KLRD1: variants seen among roughly 807,000 people sequenced by gnomAD.
KLRD1 encodes the protein killer cell lectin like receptor D1.
KLRD1 carries 21 observed loss-of-function variants against 22.6 expected under a neutral mutation model. That is an observed-to-expected ratio of 0.93 (90% CI 0.66 to 1.34). The LOEUF is 1.34. Among genes scored for constraint, KLRD1 ranks in the 40% most tolerant of loss-of-function variants. The probability of loss-of-function intolerance (pLI) is 0.00; values close to 1 mark genes in which losing one functional copy is unlikely to be tolerated. For missense variants in KLRD1, 183 were observed against 208.6 expected (o/e 0.88, Z 0.76); for synonymous variants, 59 against 71.1 (o/e 0.83, Z 0.85).
intron 1 of KLRD1, among the ~76,000 whole-genome samples, chr12:10,287,845 G>A (rs529607811): frequency 1.3e-5 from 2 of 152,184 alleles, no homozygotes; most frequent in African/African-American, 4.8e-5. Flanking sequence ...CGAGGCAGGC[G>A]GATCATGAGG....
At position 10,294,350 on chromosome 12, in the gene KLRD1, TAGAAGTTTAGTACCTC is replaced by T. The variant is rs143724426; in HGVS notation, c.-100-13626_-100-13611del. 3.9e-3 allele frequency among the ~76,000 whole-genome samples: 597 copies of T among 152,288 alleles called. 18 individuals are homozygous for T. In the East Asian group the frequency reaches 0.068, roughly 17 times the overall value. Reference sequence around the variant, plus strand: ...ACCAGTTTGTCAAAGTGCATCCTCCTAGAAGTTTAGTACCTCAAAATTTCCTCTAGATAATCATTCC... The same window carrying T: ...ACCAGTTTGTCAAAGTGCATCCTCCTAAAATTTCCTCTAGATAATCATTCC... On this transcript the variant is annotated intron_variant, in intron 1 of 5. Coordinates refer to the KLRD1 transcript ENST00000544747.
chr12:10,294,046 C>T (rs1210319831), intron 1 of KLRD1, among the ~76,000 whole-genome samples: 1 of 152,152 alleles, frequency 6.6e-6, no homozygotes, highest in Non-Finnish European at 1.5e-5. Context: ...AATAAATGGT[C>T]GCTGTACATC....
At chr12:10,312,369 T>TTTTG (rs369950859) in intron 4 of KLRD1, among the ~76,000 whole-genome samples, 2,765 of 144,184 alleles carry the variant, frequency 0.019, 70 homozygotes, top group African/African-American at 0.065. Context: ...CCCAATTCTT[T>TTTTG]TTTGTTTGTT....
chr12:10,251,742 G>A (rs1289250404), intron 1 of KLRD1, among the ~76,000 whole-genome samples: 1 of 151,728 alleles, frequency 6.6e-6, no homozygotes, highest in Non-Finnish European at 1.5e-5. Context: ...ATCAGGTATT[G>A]GATTCTCATA....
chr12:10,246,936 T>TTC (rs1949298313), intron 1 of KLRD1, among the ~76,000 whole-genome samples: 1 of 136,606 alleles, frequency 7.3e-6, no homozygotes, highest in East Asian at 2.0e-4. Flanking sequence ...TTCTTTTCTT[T>TTC]TTTTTTTTTT....
At chr12:10,256,705 G>T (rs1231712596) in intron 1 of KLRD1, among the ~76,000 whole-genome samples, 5 of 151,656 alleles carry the variant, frequency 3.3e-5, no homozygotes, top group Non-Finnish European at 7.4e-5. Context: ...GCTTCTAAAT[G>T]TTATAAAAAA....
At chr12:10,244,187 C>T (rs543648800) in intron 1 of KLRD1, among the ~76,000 whole-genome samples, 3 of 152,106 alleles carry the variant, frequency 2.0e-5, no homozygotes, top group East Asian at 3.9e-4. Flanking sequence ...AAAATATCTA[C>T]GTCATAGAAC....
chr12:10,294,398 T>A (rs1949803655), intron 1 of KLRD1, among the ~76,000 whole-genome samples: 1 of 152,066 alleles, frequency 6.6e-6, no homozygotes, highest in African/African-American at 2.4e-5. Context: ...TTCCTACCCA[T>A]TTTTTTGTTC....
At chr12:10,261,849 GT>G (rs1452709436) in intron 1 of KLRD1, among the ~76,000 whole-genome samples, 2 of 152,092 alleles carry the variant, frequency 1.3e-5, no homozygotes, top group Non-Finnish European at 2.9e-5. Context: ...AAACACGTGA[GT>G]TAATGCCCAC....
At chr12:10,297,523 GC>G (rs900739302) in intron 1 of KLRD1, among the ~76,000 whole-genome samples, 1 of 151,772 alleles carries the variant, frequency 6.6e-6, no homozygotes, top group Non-Finnish European at 1.5e-5. Flanking sequence ...AATTTTATAT[GC>G]TTTCTTATTT....
chr12:10,275,882 A>G (rs936731841), intron 1 of KLRD1, among the ~76,000 whole-genome samples: 2 of 152,218 alleles, frequency 1.3e-5, no homozygotes, highest in Non-Finnish European at 2.9e-5. Context: ...AAGTAAAGAT[A>G]GATATTACCA....
intron 1 of KLRD1, among the ~76,000 whole-genome samples, chr12:10,244,740 G>C (rs574903808): frequency 1.3e-5 from 2 of 151,956 alleles, no homozygotes; most frequent in African/African-American, 4.8e-5. Context: ...CCAAGATCAC[G>C]CCACTGCACT....
In KLRD1 at chr12:10,328,778, G is replaced by A. The variant is rs1206766168; in HGVS notation, c.*13985G>A. 6.6e-6 allele frequency: 1 copy of A among 152,254 alleles called. No homozygotes were observed. The highest frequency in any genetic ancestry group is 1.9e-4 in the East Asian group (1 of 5,188). The allele number at this position is 152,254 out of a possible 1,614,324, so 9.4% of individuals were successfully genotyped here. A position where few individuals can be genotyped will look rare whatever the true frequency, so the allele number is the denominator to read the frequency against. On this transcript the variant is annotated 3_prime_UTR_variant, in exon 6 of 6. Transcript: ENST00000336164. ...GATAAAGACTTAACTGAGAGACTGGGTAATTTGTAAAGAAAAAGAGGTTTA... is the reference window on the plus strand; with the variant it reads ...GATAAAGACTTAACTGAGAGACTGGATAATTTGTAAAGAAAAAGAGGTTTA...
In KLRD1 at chr12:10,329,467, T is replaced by C. The variant is rs1950391374; in HGVS notation, c.*14674T>C. ...GATCCATGTGCACTTGAGAAGAATG[T>C]ATACTCTGCTGCTGTTGGATGGAAT... is the stretch of plus-strand genomic sequence containing the variant. On this transcript the variant is annotated 3_prime_UTR_variant, in exon 6 of 6. Coordinates refer to ENST00000336164, the MANE Select transcript of KLRD1 (RefSeq NM_002262.5). 6.6e-6 allele frequency: 1 copy of C among 152,266 alleles called. No individual in the cohort carries two copies. Among genetic ancestry groups the C allele is most frequent in the South Asian group, 2.1e-4 (1 of 4,834 alleles). The allele number at this position is 152,266 out of a possible 1,614,324, so 9.4% of individuals were successfully genotyped here.
At chr12:10,250,051 T>C (rs1949330656) in intron 1 of KLRD1, among the ~76,000 whole-genome samples, 2 of 152,136 alleles carry the variant, frequency 1.3e-5, no homozygotes, top group South Asian at 4.1e-4. Flanking sequence ...CATGCTCAGA[T>C]TTCCTAGGAA....
At chr12:10,301,869 G>A (rs555102707), upstream of KLRD1, among the ~76,000 whole-genome samples, 1 of 152,230 alleles carries the variant, frequency 6.6e-6, no homozygotes, top group African/African-American at 2.4e-5. Context: ...GAACACATGA[G>A]GCCATTGTAG....
At chr12:10,279,742 A>G (rs990186630) in intron 1 of KLRD1, among the ~76,000 whole-genome samples, 1 of 152,190 alleles carries the variant, frequency 6.6e-6, no homozygotes, top group Non-Finnish European at 1.5e-5. Context: ...CATTACATCA[A>G]AATTTTTCCT....
intron 1 of KLRD1, among the ~76,000 whole-genome samples, chr12:10,269,194 C>T (rs986290176): frequency 7.9e-5 from 12 of 152,090 alleles, no homozygotes; most frequent in African/African-American, 2.4e-4. Context: ...TTTGCCGCCC[C>T]GGCTGGAGTG....
chr12:10,257,313 T>A (rs1255568815), intron 1 of KLRD1, among the ~76,000 whole-genome samples: 2 of 151,238 alleles, frequency 1.3e-5, no homozygotes, highest in African/African-American at 2.4e-5. Flanking sequence ...CTTTATTTTT[T>A]AAATACTCTT....
Sources: gnomAD v4.1 joint callset for allele counts (sites outside exome capture counted in the v4.1 genomes callset) on GRCh38, gnomAD v4.1.1 for gene constraint, MANE v1.5 for transcripts, NCBI Gene and HGNC (gene_info 2026-07-23, HGNC 2026-07-21) for gene names.